GUCD1: variants seen among roughly 807,000 people sequenced by gnomAD.
GUCD1 encodes guanylyl cyclase domain containing 1.
GUCD1 carries 17 observed loss-of-function variants against 28.3 expected under a neutral mutation model. The observed-to-expected ratio is 0.60, with a 90% CI of 0.41 to 0.90. The LOEUF (loss-of-function observed/expected upper bound fraction) is 0.90. GUCD1 is among the 40% of genes least tolerant of loss of function. The pLI is 0.00. For synonymous variants in GUCD1, 129 were observed against 123.3 expected (o/e 1.05, Z -0.30); for missense variants, 279 against 305.5 (o/e 0.91, Z 0.65).
chr22:24,546,908 G>A lies in GUCD1; in HGVS notation c.386+6C>T, dbSNP rs1299383276. On this transcript the variant is annotated splice_donor_region_variant and intron_variant, in intron 4 of 5. Transcript: ENST00000435822. ...GAAGGGCAGGTAGGAAAGTTGGGGGGCTCACCATTTCTCCACCAGCACCTT... is the reference window on the plus strand; with the variant it reads ...GAAGGGCAGGTAGGAAAGTTGGGGGACTCACCATTTCTCCACCAGCACCTT... The A allele has an allele frequency of 1.9e-6, 3 of 1,612,668 alleles. No individual in the cohort carries two copies. Among genetic ancestry groups the A allele is most frequent in the South Asian group, 1.1e-5 (1 of 91,050 alleles).
At chr22:24,547,108 A>AGG in intron 3 of GUCD1, 103 bp from the exon 4 acceptor site, 2 of 872,370 alleles carry the variant, frequency 2.3e-6, no homozygotes, top group South Asian at 2.7e-5. Flanking sequence ...AGACAGCAGG[A>AGG]GGGCAGAGGA....
chr22:24,546,800 G>A, intron 4 of GUCD1, 114 bp downstream of exon 4: 2 of 935,508 alleles, frequency 2.1e-6, no homozygotes, highest in East Asian at 2.4e-5. Flanking sequence ...AGCCAGTTCT[G>A]CCTGGCTCCA....
chr22:24,554,914 T>G (rs1305727734), intron 1 of GUCD1, 35 bp downstream of exon 1: 1 of 1,516,862 alleles, frequency 6.6e-7, no homozygotes, highest in Admixed American at 1.7e-5. Flanking sequence ...CTTTCGTTCC[T>G]AGGGTGAAGA....
chr22:24,554,912 C>T (rs1165711503), intron 1 of GUCD1, 37 bp downstream of exon 1: 1 of 1,514,666 alleles, frequency 6.6e-7, no homozygotes, highest in African/African-American at 1.4e-5. Context: ...CCCTTTCGTT[C>T]CTAGGGTGAA....
intron 1 of GUCD1, among the ~76,000 whole-genome samples, chr22:24,554,111 G>A (rs1286977425): frequency 6.6e-6 from 1 of 152,244 alleles, no homozygotes; most frequent in Non-Finnish European, 1.5e-5. Flanking sequence ...TCACTGGTTC[G>A]TTATGAGGAT....
Position 24,546,902 on chromosome 22 carries a change from TG to T in GUCD1, c.386+11del. 1 of 1,611,776 alleles carries T rather than the reference TG, an allele frequency of 6.2e-7. No individual in the cohort carries two copies. The highest frequency in any genetic ancestry group is 1.1e-5 in the South Asian group (1 of 91,028). On this transcript the variant is annotated intron_variant, in intron 4 of 5. Transcript: ENST00000435822. ...TGAGAGGAAGGGCAGGTAGGAAAGT[TG>T]GGGGGCTCACCATTTCTCCACCAGC...
At position 24,541,860 on chromosome 22, in the gene GUCD1, G is replaced by A. The variant is rs932810048; in HGVS notation, c.*1146C>T. ...GTGCAGAGGTGTTAGTGGTTCCAAA[G>A]TACCTTCACTCTTGCTATTACTGTT... is the stretch of plus-strand genomic sequence containing the variant. On this transcript the variant is annotated 3_prime_UTR_variant, in exon 6 of 6. Coordinates refer to ENST00000435822, the MANE Select transcript of GUCD1 (RefSeq NM_001284254.2). 5.3e-5 allele frequency: 8 copies of A among 152,184 alleles called. No individual in the cohort carries two copies. Among genetic ancestry groups the A allele is most frequent in the Non-Finnish European group, 8.8e-5 (6 of 68,040 alleles). The allele number at this position is 152,184 out of a possible 1,614,324, so 9.4% of individuals were successfully genotyped here.
chr22:24,555,787 G>GC, upstream of GUCD1: 1 of 1,549,696 alleles, frequency 6.5e-7, no homozygotes, highest in Non-Finnish European at 8.7e-7. Context: ...CTCTTTGCCG[G>GC]CCCCAAGGGT....
chr22:24,546,497 T>C (rs1172582857), intron 4 of GUCD1, among the ~76,000 whole-genome samples: 1 of 152,136 alleles, frequency 6.6e-6, no homozygotes, highest in African/African-American at 2.4e-5. Flanking sequence ...AGGAGGCCCT[T>C]GTAAGGTCAC....
chr22:24,548,643 C>T (rs1420874009), intron 2 of GUCD1, among the ~76,000 whole-genome samples: 1 of 152,204 alleles, frequency 6.6e-6, no homozygotes, highest in Non-Finnish European at 1.5e-5. Flanking sequence ...CCTCCTATCC[C>T]AGTCACAGAA....
intron 1 of GUCD1, among the ~76,000 whole-genome samples, chr22:24,552,176 T>C (rs1243902904): frequency 6.6e-6 from 1 of 152,196 alleles, no homozygotes; most frequent in South Asian, 2.1e-4. Context: ...CTGTGAAGAA[T>C]TAAATTTCTA....
At chr22:24,555,435 C>A (rs1405756357), upstream of GUCD1, 8 of 1,159,034 alleles carry the variant, frequency 6.9e-6, no homozygotes, top group African/African-American at 1.5e-5. Flanking sequence ...CCCGCCTCTG[C>A]CGGGTCCCGC....
chr22:24,541,435 C>T lies in GUCD1; in HGVS notation c.*1571G>A, dbSNP rs2044589155. On this transcript the variant is annotated 3_prime_UTR_variant, in exon 6 of 6. Coordinates refer to ENST00000435822, the MANE Select transcript of GUCD1 (RefSeq NM_001284254.2). ...CTGAGCTCAGGGGTTCGAGACCAGC[C>T]TGGCCAACATGGCGAAGCCTGGTCT... The T allele has an allele frequency of 6.6e-6, 1 of 152,276 alleles. No individual in the cohort carries two copies. The highest frequency in any genetic ancestry group is 2.4e-5 in the African/African-American group (1 of 41,446). The allele number at this position is 152,276 out of a possible 1,614,324, so 9.4% of individuals were successfully genotyped here.
In GUCD1 at chr22:24,543,117, C is replaced by A; in HGVS notation, c.629-20G>T. 6.3e-7 allele frequency: 1 copy of A among 1,592,280 alleles called. No individual in the cohort carries two copies. The highest frequency in any genetic ancestry group is 1.1e-5 in the South Asian group (1 of 90,624). ...ACATTCCTGCTGGGGGTGGGGAAGG[C>A]AGAACGGGGTCAGTGGGTTGTGAGA... is the stretch of plus-strand genomic sequence containing the variant. On this transcript the variant is annotated intron_variant, in intron 5 of 5. Transcript: ENST00000435822.
chr22:24,545,728 C>T (rs902556224), intron 4 of GUCD1, among the ~76,000 whole-genome samples: 2 of 150,686 alleles, frequency 1.3e-5, no homozygotes, highest in Admixed American at 6.6e-5. Context: ...CTCAGCCTCC[C>T]GAGTAGCTGG....
In GUCD1 at chr22:24,542,301, G is replaced by T. The variant is rs1037169365; in HGVS notation, c.*705C>A. On this transcript the variant is annotated 3_prime_UTR_variant, in exon 6 of 6. Transcript: ENST00000435822. Reference sequence around the variant, plus strand: ...GCTGCCAGCCACGAGGCCTACCAGTGGGATCTAGGCCCGAGAGCCCTCCAT... The same window carrying T: ...GCTGCCAGCCACGAGGCCTACCAGTTGGATCTAGGCCCGAGAGCCCTCCAT... 1 of 152,298 alleles carries T rather than the reference G, an allele frequency of 6.6e-6. No homozygotes were observed. The highest frequency in any genetic ancestry group is 2.4e-5 in the African/African-American group (1 of 41,464). 9.4% of individuals were successfully genotyped at this position (152,298 alleles called of 1,614,324 possible).
intron 1 of GUCD1, among the ~76,000 whole-genome samples, chr22:24,554,611 G>A (rs976557773): frequency 6.6e-6 from 1 of 152,254 alleles, no homozygotes; most frequent in African/African-American, 2.4e-5. Context: ...CGGAGGCCAG[G>A]GCACTGGCCC....
chr22:24,545,734 G>T (rs1236149782), intron 4 of GUCD1, among the ~76,000 whole-genome samples: 1 of 150,564 alleles, frequency 6.6e-6, no homozygotes, highest in African/African-American at 2.4e-5. Context: ...CTCCCGAGTA[G>T]CTGGGACTAC....
chr22:24,543,018 G>C lies in GUCD1; in HGVS notation c.708C>G (p.Tyr236Ter). ...CAGGCTCCTGCTGTCAGCTGTCCAAGTAGACAAAGAGGATGTCCTCATCTG... is the reference window on the plus strand; with the variant it reads ...CAGGCTCCTGCTGTCAGCTGTCCAACTAGACAAAGAGGATGTCCTCATCTG... ...YGTDEDILFV[Y>*]LDS The change falls in exon 6 of 6, where the codon TAC (tyrosine) becomes TAG (stop). Residue 236 changes from tyrosine (Y) to a stop codon, truncating the protein, a stop_gained. Transcript: ENST00000435822. LOFTEE classifies it high-confidence loss of function. The C allele has an allele frequency of 6.2e-7, 1 of 1,612,916 alleles. No individual in the cohort carries two copies. Among genetic ancestry groups the C allele is most frequent in the Non-Finnish European group, 8.5e-7 (1 of 1,178,874 alleles).
Sources: allele counts gnomAD v4.1 joint callset (sites outside exome capture counted in the v4.1 genomes callset), GRCh38; gene constraint gnomAD v4.1.1; transcripts MANE v1.5; gene names NCBI Gene and HGNC (gene_info 2026-07-23, HGNC 2026-07-21).